The following DNAJC1 variants were observed in gnomAD, a reference collection of about 807,000 sequenced individuals.
DNAJC1 encodes DnaJ heat shock protein family (Hsp40) member C1.
Under a neutral mutation model 76.6 loss-of-function variants are expected in DNAJC1, and 58 were observed. The ratio of observed to expected loss-of-function variants is 0.76; its 90% CI spans 0.61 to 0.94. DNAJC1 has a LOEUF of 0.94. Among genes scored for constraint, DNAJC1 ranks in the 40% least tolerant of loss-of-function variants. The pLI, the probability that DNAJC1 is intolerant of heterozygous loss-of-function variation, is 0.00. For synonymous variants in DNAJC1, 258 were observed against 267.9 expected (o/e 0.96, Z 0.36); for missense variants, 689 against 677.3 (o/e 1.02, Z -0.19).
chr10:21,786,137 A>C (rs1043713271), intron 9 of DNAJC1, among the ~76,000 whole-genome samples: 4 of 151,922 alleles, frequency 2.6e-5, no homozygotes, highest in Non-Finnish European at 4.4e-5. Flanking sequence ...GAATTAACAC[A>C]CATAATGGGA....
intron 8 of DNAJC1, among the ~76,000 whole-genome samples, chr10:21,848,202 T>A (rs1835691629): frequency 6.6e-6 from 1 of 152,232 alleles, no homozygotes; most frequent in Non-Finnish European, 1.5e-5. Context: ...ATTTCCCTGA[T>A]GATTAGTGAT....
rs1001870690 is a variant in DNAJC1, at chr10:22,003,512, T to C, written c.-78A>G. 1.5e-5 allele frequency: 20 copies of C among 1,291,404 alleles called. No individual in the cohort carries two copies. The highest frequency in any genetic ancestry group is 1.6e-5 in the African/African-American group (1 of 63,996). The allele number at this position is 1,291,404 out of a possible 1,614,324, so 80.0% of individuals were successfully genotyped here. A position where few individuals can be genotyped will look rare whatever the true frequency, so the allele number is the denominator to read the frequency against. ...GGGACGTGGCGGGCGGCGCTGGCTGTGGGGAACAGCGCCTGTCAGTGAAAA... is the reference window on the plus strand; with the variant it reads ...GGGACGTGGCGGGCGGCGCTGGCTGCGGGGAACAGCGCCTGTCAGTGAAAA... On this transcript the variant is annotated 5_prime_UTR_variant, in exon 1 of 12. Coordinates refer to ENST00000376980, the MANE Select transcript of DNAJC1 (RefSeq NM_022365.4).
chr10:21,970,643 T>G (rs1010785473), intron 1 of DNAJC1, among the ~76,000 whole-genome samples: 9 of 151,976 alleles, frequency 5.9e-5, no homozygotes, highest in Non-Finnish European at 1.3e-4. Flanking sequence ...CTAAAGGTGA[T>G]AGACCAAAGA....
intron 8 of DNAJC1, among the ~76,000 whole-genome samples, chr10:21,855,997 T>G (rs918115655): frequency 2.0e-5 from 3 of 152,166 alleles, no homozygotes; most frequent in African/African-American, 7.2e-5. Flanking sequence ...TTCCTCTAAA[T>G]ATTCTCTAGA....
chr10:22,003,691 A>C lies in DNAJC1; in HGVS notation c.-257T>G. The C allele has an allele frequency of 5.3e-6, 2 of 374,694 alleles. No individual in the cohort carries two copies. 23.2% of individuals were successfully genotyped at this position (374,694 alleles called of 1,614,324 possible). A position where few individuals can be genotyped will look rare whatever the true frequency, so the allele number is the denominator to read the frequency against. ...AAGACCCTCGCCCCCAGGCCTACACACAGCTGTAGAGGCAGCGCCCGGCGC... is the reference window on the plus strand; with the variant it reads ...AAGACCCTCGCCCCCAGGCCTACACCCAGCTGTAGAGGCAGCGCCCGGCGC... On this transcript the variant is annotated 5_prime_UTR_variant, in exon 1 of 12. Transcript: ENST00000376980.
At chr10:21,871,706 G>A (rs1175005518) in intron 8 of DNAJC1, among the ~76,000 whole-genome samples, 1 of 151,934 alleles carries the variant, frequency 6.6e-6, no homozygotes, top group Non-Finnish European at 1.5e-5. Flanking sequence ...GGAGTGCAGT[G>A]GCGTGATCTC....
chr10:21,862,332 G>A (rs574578691), intron 8 of DNAJC1, among the ~76,000 whole-genome samples: 1 of 152,038 alleles, frequency 6.6e-6, no homozygotes, highest in South Asian at 2.1e-4. Flanking sequence ...CCTCTTTCCT[G>A]TGATAGTAAC....
chr10:21,892,445 G>GA (rs2131732612), intron 7 of DNAJC1, among the ~76,000 whole-genome samples: 1 of 147,392 alleles, frequency 6.8e-6, no homozygotes, highest in East Asian at 2.0e-4. Context: ...CTGTAATAGA[G>GA]AAAAAAGAGA....
chr10:21,892,131 C>A (rs116998109), intron 7 of DNAJC1, among the ~76,000 whole-genome samples: 10 of 151,744 alleles, frequency 6.6e-5, no homozygotes, highest in Non-Finnish European at 1.3e-4. Context: ...ACTTATTATA[C>A]TCACTAAAAA....
chr10:21,967,014 CTTTT>C (rs11427152), intron 1 of DNAJC1, among the ~76,000 whole-genome samples: 6 of 138,762 alleles, frequency 4.3e-5, no homozygotes, highest in African/African-American at 1.3e-4. Flanking sequence ...TCTTCTTCTT[CTTTT>C]TTTTTTTTTT....
intron 8 of DNAJC1, among the ~76,000 whole-genome samples, chr10:21,862,076 G>A (rs552987376): frequency 2.0e-5 from 3 of 151,818 alleles, no homozygotes; most frequent in Non-Finnish European, 2.9e-5. Context: ...GCACCACCAC[G>A]CCCGGCTAAT....
chr10:21,928,688 A>G (rs1837168876), intron 2 of DNAJC1, 136 bp from the exon 3 acceptor site: 2 of 658,558 alleles, frequency 3.0e-6, no homozygotes, highest in Admixed American at 2.8e-5. Context: ...AATCTCCTTT[A>G]TAAGTAACAC....
chr10:21,858,180 C>T lies in DNAJC1; in HGVS notation c.978+24102G>A, dbSNP rs1018323669. On this transcript the variant is annotated intron_variant, in intron 8 of 11. Coordinates refer to ENST00000376980, the MANE Select transcript of DNAJC1 (RefSeq NM_022365.4). ...AAATTTTTTTATGTGTTACATCATT[C>T]GTAAAGTAAGGGCAACATTATCTCT... Among the ~76,000 whole-genome samples, 6 of 151,882 alleles carry T rather than the reference C, an allele frequency of 4.0e-5. 1 individual carries two copies. Among genetic ancestry groups the T allele is most frequent in the Non-Finnish European group, 5.9e-5 (4 of 67,978 alleles).
chr10:21,941,545 C>A (rs2807985), intron 1 of DNAJC1, among the ~76,000 whole-genome samples: 117,903 of 151,944 alleles, frequency 0.78, 46,562 homozygotes, highest in East Asian at 0.99. Context: ...ATTTTAAAAT[C>A]CTTCAAAAAA....
chr10:21,965,252 C>CTGCT (rs1346489263), intron 1 of DNAJC1, among the ~76,000 whole-genome samples: 1 of 152,142 alleles, frequency 6.6e-6, no homozygotes, highest in Non-Finnish European at 1.5e-5. Context: ...TGAGTCTAAT[C>CTGCT]TGCTGTCTAG....
rs544762542 is a variant in DNAJC1 at position 21,906,514 on chromosome 10, C to T, written c.730-1902G>A. 2.4e-4 allele frequency among the ~76,000 whole-genome samples: 36 copies of T among 152,200 alleles called. No homozygotes were observed. In the East Asian group the frequency reaches 5.8e-3, roughly 25 times the overall value. ...GAAGAAAAGGTCAGGAAGGCATTGG[C>T]TCCTTGAGGGGAGTAGGAAATGTGG... On this transcript the variant is annotated intron_variant, in intron 6 of 11. Coordinates refer to ENST00000376980, the MANE Select transcript of DNAJC1 (RefSeq NM_022365.4).
intron 9 of DNAJC1, among the ~76,000 whole-genome samples, chr10:21,796,461 A>C (rs1195003229): frequency 6.6e-6 from 1 of 152,114 alleles, no homozygotes; most frequent in Non-Finnish European, 1.5e-5. Context: ...TACATCTAGA[A>C]GTTTTTCTAG....
intron 1 of DNAJC1, among the ~76,000 whole-genome samples, chr10:21,984,872 A>C (rs960672855): frequency 6.6e-6 from 1 of 152,196 alleles, no homozygotes; most frequent in Non-Finnish European, 1.5e-5. Flanking sequence ...AACCTTGTGT[A>C]CTCAGTTTAC....
At chr10:21,997,243 C>A (rs1479121082) in intron 1 of DNAJC1, among the ~76,000 whole-genome samples, 1 of 152,168 alleles carries the variant, frequency 6.6e-6, no homozygotes, top group Non-Finnish European at 1.5e-5. Flanking sequence ...GCCCCATTAA[C>A]TGGTTTTTCC....
Sources: allele counts gnomAD v4.1 joint callset (sites outside exome capture counted in the v4.1 genomes callset), GRCh38; gene constraint gnomAD v4.1.1; transcripts MANE v1.5; gene names NCBI Gene and HGNC (gene_info 2026-07-23, HGNC 2026-07-21).